Variants in GBX1 observed in about 807,000 individuals in gnomAD.
GBX1 encodes gastrulation brain homeobox 1, also known as homeobox protein GBX-1.
Under a neutral mutation model 22.9 loss-of-function variants are expected in GBX1, and 9 were observed. That is an observed-to-expected ratio of 0.39 (90% CI 0.24 to 0.69). The LOEUF (loss-of-function observed/expected upper bound fraction) is 0.69, where lower values mean the gene tolerates loss of function less well. Among genes scored for constraint, GBX1 ranks in the 30% least tolerant of loss-of-function variants. GBX1 has a pLI of 0.43. For missense variants in GBX1, 494 were observed against 509.2 expected (o/e 0.97, Z 0.29); for synonymous variants, 203 against 227.3 (o/e 0.89, Z 0.96).
At chr7:151,156,243 T>C (rs1372116573) in intron 1 of GBX1, among the ~76,000 whole-genome samples, 1 of 151,256 alleles carries the variant, frequency 6.6e-6, no homozygotes, top group Non-Finnish European at 1.5e-5. Context: ...AAAAATTAGC[T>C]GGGCACATTG....
chr7:151,167,128 C>T lies in GBX1; in HGVS notation c.421G>A (p.Gly141Ser), dbSNP rs1333070315. ...TAARNNPEPG[G>S]RRPEGGLEAD... ...TCCAGCCCACCCTCTGGGCGTCGGC[C>T]GCCTGGCTCGGGGTTGTTTCGGGCG... Residue 141 changes from glycine (G) to serine (S), a missense_variant, in exon 1 of 2, where the codon GGC (glycine) becomes AGC (serine). Gly to Ser is a moderately conservative substitution (Grantham distance 56). This residue lies in a region of GBX1 where 365 missense variants were observed against 340.4 expected (regional missense o/e 1.07). Transcript: ENST00000297537. The surrounding 1 kb of genome is among the most constrained non-coding windows in gnomAD (Gnocchi z 5.9). 6.2e-7 allele frequency: 1 copy of T among 1,602,934 alleles called. No homozygotes were observed.
At chr7:151,166,756 G>A (rs1801256883) in intron 1 of GBX1, among the ~76,000 whole-genome samples, 1 of 152,202 alleles carries the variant, frequency 6.6e-6, no homozygotes, top group Non-Finnish European at 1.5e-5. Flanking sequence ...TGAGGGAAAG[G>A]CACTAATGTG....
Position 151,167,274 on chromosome 7 carries a change from C to T in GBX1, c.275G>A (p.Gly92Asp). 1 of 1,539,506 alleles carries T rather than the reference C, an allele frequency of 6.5e-7. No individual in the cohort carries two copies. The highest frequency in any genetic ancestry group is 8.7e-7 in the Non-Finnish European group (1 of 1,145,986). The change falls in exon 1 of 2, where the codon GGT becomes GAT. Residue 92 changes from glycine to aspartate, a missense_variant. Transcript: ENST00000297537. The surrounding 1 kb of genome is among the most constrained non-coding windows in gnomAD (Gnocchi z 5.9). Reference protein sequence around the residue: ...RLTNTFCAGLGQAVPSMVALT... With the variant: ...RLTNTFCAGLDQAVPSMVALT... ...CGCCACCATCGAGGGCACAGCCTGACCCAGCCCCGCGCAGAAGGTGTTGGT... is the reference window on the plus strand; with the variant it reads ...CGCCACCATCGAGGGCACAGCCTGATCCAGCCCCGCGCAGAAGGTGTTGGT...
In GBX1 at chr7:151,148,671, A is replaced by G; in HGVS notation, c.1010T>C (p.Ile337Thr). The G allele has an allele frequency of 6.2e-7, 1 of 1,614,010 alleles. No homozygotes were observed. The change falls in exon 2 of 2, where the codon ATT becomes ACT. Residue 337 changes from isoleucine to threonine, a missense_variant. Physicochemically the swap from Ile to Thr is moderately conservative, Grantham distance 89. Around this residue, in one of 3 missense-constraint regions of GBX1, gnomAD observed 124 missense variants for 152.0 expected, o/e 0.82. Transcript: ENST00000297537. The surrounding 1 kb of genome is among the most constrained non-coding windows in gnomAD (Gnocchi z 5.1). ...RSGEPVRNPK[I>T]VVPIPVHVNR... ...GACATGCACAGGTATGGGGACAACA[A>G]TCTTGGGGTTTCTTACGGGCTCCCC... is the stretch of plus-strand genomic sequence containing the variant.
At chr7:151,150,327 A>G (rs557015107) in intron 1 of GBX1, among the ~76,000 whole-genome samples, 1 of 152,346 alleles carries the variant, frequency 6.6e-6, no homozygotes, top group South Asian at 2.1e-4. Context: ...AAAGACAATC[A>G]ATAGGCAGGA....
In GBX1 at chr7:151,167,019, C is replaced by A; in HGVS notation, c.530G>T (p.Ser177Ile). ...TCGGCCCTAGCACTTACCGGGCAGA[C>A]TTGGAAAAGTCTCTGAGAAGTGCGG... ...PPPHFSETFPSLPAEGKVYSS... is the reference protein window; with the variant it reads ...PPPHFSETFPILPAEGKVYSS... Residue 177 changes from serine to isoleucine, a missense_variant, in exon 1 of 2, where the codon AGT becomes ATT. By Grantham distance (142) the Ser-to-Ile change is moderately radical (BLOSUM62 -2). Transcript: ENST00000297537. The surrounding 1 kb of genome is among the most constrained non-coding windows in gnomAD (Gnocchi z 5.9). 1 of 1,604,254 alleles carries A rather than the reference C, an allele frequency of 6.2e-7. No homozygotes were observed. The highest frequency in any genetic ancestry group is 1.7e-4 in the Middle Eastern group (1 of 5,990).
intron 1 of GBX1, among the ~76,000 whole-genome samples, chr7:151,150,893 T>A (rs189975221): frequency 2.0e-5 from 3 of 152,016 alleles, no homozygotes; most frequent in Admixed American, 6.5e-5. Context: ...CCATGCCTGG[T>A]TAATTCTGTT....
At chr7:151,163,874 C>T (rs1801221380) in intron 1 of GBX1, among the ~76,000 whole-genome samples, 1 of 152,172 alleles carries the variant, frequency 6.6e-6, no homozygotes, top group Non-Finnish European at 1.5e-5. Context: ...ACTTGTGATT[C>T]TTTTCAATCT....
At chr7:151,155,533 C>T (rs1210230789) in intron 1 of GBX1, among the ~76,000 whole-genome samples, 2 of 152,040 alleles carry the variant, frequency 1.3e-5, no homozygotes, top group Admixed American at 6.6e-5. Flanking sequence ...TGGAAACATT[C>T]ATTTTCATTT....
rs1443139732 is a variant in GBX1, at chr7:151,148,279, G to T, written c.*310C>A. Among the ~76,000 whole-genome samples, 2 of 152,108 alleles carry T rather than the reference G, an allele frequency of 1.3e-5. No homozygotes were observed. Among genetic ancestry groups the T allele is most frequent in the African/African-American group, 4.8e-5 (2 of 41,422 alleles). ...TTGCCACAGAACCTTCAGGCCTTAG[G>T]CATCTTAGAACCCACCCCCTCCCCA... On this transcript the variant is annotated 3_prime_UTR_variant, in exon 2 of 2. Coordinates refer to ENST00000297537, the MANE Select transcript of GBX1 (RefSeq NM_001098834.3). This position sits in a 1 kb window ranked among gnomAD's most constrained non-coding sequence, Gnocchi z 5.1.
At chr7:151,149,248 A>C (rs982766280) in intron 1 of GBX1, 106 bp from the exon 2 acceptor site, 1 of 1,113,844 alleles carries the variant, frequency 9.0e-7, no homozygotes, top group Non-Finnish European at 1.3e-6. Context: ...GGGAGACAAG[A>C]GCAGGAAAAA....
At chr7:151,150,329 T>C (rs775087849) in intron 1 of GBX1, among the ~76,000 whole-genome samples, 37 of 152,158 alleles carry the variant, frequency 2.4e-4, no homozygotes, top group Non-Finnish European at 4.7e-4. Context: ...AGACAATCAA[T>C]AGGCAGGAGA....
intron 1 of GBX1, among the ~76,000 whole-genome samples, chr7:151,164,773 C>CT (rs1801230056): frequency 1.3e-5 from 1 of 74,590 alleles, no homozygotes; most frequent in Non-Finnish European, 2.6e-5. Context: ...CACAAATTTC[C>CT]CTCTTTTTTT....
At chr7:151,158,236 TC>T (rs1205290518) in intron 1 of GBX1, among the ~76,000 whole-genome samples, 4 of 152,072 alleles carry the variant, frequency 2.6e-5, no homozygotes, top group African/African-American at 7.2e-5. Context: ...CCCACAACTC[TC>T]CCATCCACGC....
At chr7:151,150,533 G>A (rs1244599645) in intron 1 of GBX1, among the ~76,000 whole-genome samples, 3 of 152,124 alleles carry the variant, frequency 2.0e-5, no homozygotes, top group African/African-American at 4.8e-5. Flanking sequence ...TTCAGGGCAC[G>A]GGGAAAGGCT....
In GBX1 at chr7:151,167,524, C is replaced by T; in HGVS notation, c.25G>A (p.Ala9Thr). The T allele has an allele frequency of 1.4e-6, 2 of 1,469,676 alleles. No homozygotes were observed. The highest frequency in any genetic ancestry group is 1.8e-6 in the Non-Finnish European group (2 of 1,121,288). The allele number at this position is 1,469,676 out of a possible 1,614,324, so 91.0% of individuals were successfully genotyped here. Residue 9 changes from alanine to threonine, a missense_variant, in exon 1 of 2, where the codon GCC (alanine) becomes ACC (threonine). Transcript: ENST00000297537. This position sits in a 1 kb window ranked among gnomAD's most constrained non-coding sequence, Gnocchi z 5.9. MQRAGGGS[A>T]PGGNGGGGGG... ...CCGCCCCCGCCGTTGCCCCCAGGGG[C>T]GCTACCGCCTCCGGCCCGCTGCATC...
At position 151,167,066 on chromosome 7, in the gene GBX1, T is replaced by A. The variant is rs1337209711; in HGVS notation, c.483A>T (p.Ala161=). The A allele has an allele frequency of 1.2e-6, 2 of 1,602,174 alleles. No homozygotes were observed. Among genetic ancestry groups the A allele is most frequent in the African/African-American group, 2.7e-5 (2 of 73,006 alleles). The change falls in exon 1 of 2, where the codon GCA becomes GCT. Residue 161 remains alanine (A), a synonymous_variant. Transcript: ENST00000297537. This position sits in a 1 kb window ranked among gnomAD's most constrained non-coding sequence, Gnocchi z 5.9. ...DELLPAREKV[A]EPPPPPPPHF... ...GCGGAGGCGGAGGTGGTGGGGGCTC[T>A]GCCACTTTCTCCCGGGCCGGCAGCA...
chr7:151,160,254 T>C (rs1310576892), intron 1 of GBX1, among the ~76,000 whole-genome samples: 1 of 152,212 alleles, frequency 6.6e-6, no homozygotes, highest in African/African-American at 2.4e-5. Context: ...TGTCCACACA[T>C]AATTCATAGA....
At chr7:151,161,359 G>C (rs1801186521) in intron 1 of GBX1, among the ~76,000 whole-genome samples, 1 of 151,938 alleles carries the variant, frequency 6.6e-6, no homozygotes, top group Non-Finnish European at 1.5e-5. Flanking sequence ...CCCCTGAAGG[G>C]TTACTTTCAC....
Sources: allele counts gnomAD v4.1 joint callset (sites outside exome capture counted in the v4.1 genomes callset), GRCh38; gene constraint gnomAD v4.1.1; regional missense constraint gnomAD v4.1.1; non-coding constraint Gnocchi (gnomAD v3.1); transcripts MANE v1.5; gene names NCBI Gene and HGNC (gene_info 2026-07-23, HGNC 2026-07-21).